The following RORA variants were observed in gnomAD, a reference collection of about 807,000 sequenced individuals.
RORA encodes RAR related orphan receptor A, also known as nuclear receptor ROR-alpha.
A neutral mutation model predicts 69.5 loss-of-function variants in RORA; 7 were observed. That is an observed-to-expected ratio of 0.10 (90% CI 0.06 to 0.19). RORA has a LOEUF of 0.19. Among genes scored for constraint, RORA ranks in the 10% least tolerant of loss-of-function variants. The pLI is 1.00. For missense variants in RORA, 457 were observed against 663.0 expected (o/e 0.69, Z 3.41); for synonymous variants, 261 against 240.8 (o/e 1.08, Z -0.78).
intron 1 of RORA, among the ~76,000 whole-genome samples, chr15:61,075,621 A>G (rs753147369): frequency 6.6e-6 from 1 of 152,210 alleles, no homozygotes; most frequent in Non-Finnish European, 1.5e-5. Flanking sequence ...CAGGGCAGGT[A>G]TAATTATCTC....
At chr15:60,618,024 C>G (rs3784611) in intron 2 of RORA, among the ~76,000 whole-genome samples, 20,932 of 152,164 alleles carry the variant, frequency 0.14, 2,378 homozygotes, top group African/African-American at 0.3. Context: ...GGGCTTGTAA[C>G]CGAGGGCAAT....
At chr15:61,199,567 GT>G (rs1162304107) in intron 1 of RORA, among the ~76,000 whole-genome samples, 1 of 152,180 alleles carries the variant, frequency 6.6e-6, no homozygotes, top group Non-Finnish European at 1.5e-5. Context: ...TGGGTGATTT[GT>G]TTCCGAAACT....
chr15:61,030,846 A>G (rs770386473), intron 1 of RORA, among the ~76,000 whole-genome samples: 12 of 152,346 alleles, frequency 7.9e-5, no homozygotes, highest in Middle Eastern at 3.4e-3. Flanking sequence ...AATTTTGAGA[A>G]AAACGCAAAT....
intron 1 of RORA, among the ~76,000 whole-genome samples, chr15:60,947,181 G>A (rs1327053968): frequency 1.1e-4 from 17 of 149,938 alleles, no homozygotes; most frequent in African/African-American, 3.7e-4. Flanking sequence ...CCGCCACCCC[G>A]TCTGGGAGGT....
intron 1 of RORA, among the ~76,000 whole-genome samples, chr15:61,041,704 G>A (rs760845762): frequency 2.0e-5 from 3 of 152,142 alleles, no homozygotes; most frequent in African/African-American, 7.2e-5. Flanking sequence ...AATTACAGGC[G>A]CGAGCCACCA....
chr15:60,980,146 T>A (rs1290027444), intron 1 of RORA, among the ~76,000 whole-genome samples: 1 of 152,198 alleles, frequency 6.6e-6, no homozygotes, highest in African/African-American at 2.4e-5. Flanking sequence ...CACATGGGTT[T>A]TCCCCTCTTC....
rs144729305 is a variant in RORA, at chr15:61,079,758, G to A, written c.166+149295C>T. 2.4e-3 allele frequency among the ~76,000 whole-genome samples: 369 copies of A among 152,314 alleles called. 1 individual carries two copies. Among genetic ancestry groups the A allele is most frequent in the Non-Finnish European group, 4.0e-3 (270 of 68,028 alleles). On this transcript the variant is annotated intron_variant, in intron 1 of 10. Coordinates refer to ENST00000335670, the MANE Select transcript of RORA (RefSeq NM_134261.3). ...AATAACCCTTGCCCTTATCCACAAT[G>A]AGCTGGCTAGGGAGTTTTACACGAG...
At chr15:61,059,218 A>G (rs1418263646) in intron 1 of RORA, among the ~76,000 whole-genome samples, 2 of 152,206 alleles carry the variant, frequency 1.3e-5, no homozygotes, top group African/African-American at 4.8e-5. Context: ...GCCTCAGGGG[A>G]TGCCCCTATG....
chr15:60,792,681 T>A (rs1417386384), intron 1 of RORA, among the ~76,000 whole-genome samples: 1 of 152,178 alleles, frequency 6.6e-6, no homozygotes, highest in Non-Finnish European at 1.5e-5. Context: ...CAACCCAGAA[T>A]TGTATCTTCA....
intron 2 of RORA, among the ~76,000 whole-genome samples, chr15:60,596,259 C>G (rs1026341073): frequency 6.6e-6 from 1 of 152,078 alleles, no homozygotes; most frequent in Non-Finnish European, 1.5e-5. Context: ...TTTGCTGATG[C>G]ATGTGAGGCA....
intron 1 of RORA, among the ~76,000 whole-genome samples, chr15:60,835,653 C>G (rs2073105637): frequency 6.6e-6 from 1 of 152,230 alleles, no homozygotes. Context: ...GGTGAAGAGT[C>G]TGAGGATGGG....
intron 1 of RORA, among the ~76,000 whole-genome samples, chr15:61,141,643 C>G (rs2079299711): frequency 6.6e-6 from 1 of 152,148 alleles, no homozygotes; most frequent in African/African-American, 2.4e-5. Context: ...AGTACTACGG[C>G]TTGATTTCAT....
intron 1 of RORA, among the ~76,000 whole-genome samples, chr15:60,884,124 C>T (rs1338723943): frequency 6.6e-6 from 1 of 151,744 alleles, no homozygotes; most frequent in Non-Finnish European, 1.5e-5. Flanking sequence ...GGATTGCGTC[C>T]GTGGCTGACA....
intron 1 of RORA, among the ~76,000 whole-genome samples, chr15:61,187,767 G>A (rs1385438408): frequency 3.3e-5 from 5 of 152,170 alleles, no homozygotes; most frequent in African/African-American, 1.2e-4. Flanking sequence ...CGCACTGTTG[G>A]CAAGAGCTGC....
intron 1 of RORA, among the ~76,000 whole-genome samples, chr15:61,206,109 C>T (rs939615825): frequency 5.3e-5 from 8 of 152,102 alleles, no homozygotes; most frequent in African/African-American, 1.9e-4. Flanking sequence ...TATTGTGAAC[C>T]ACTATCACAT....
chr15:61,082,995 C>G (rs2140667226), intron 1 of RORA, among the ~76,000 whole-genome samples: 1 of 152,304 alleles, frequency 6.6e-6, no homozygotes, highest in Non-Finnish European at 1.5e-5. Flanking sequence ...CTCCTGACTC[C>G]TCCTTCAGTG....
chr15:60,879,290 GTTT>G (rs371394934), intron 1 of RORA, among the ~76,000 whole-genome samples: 1 of 149,816 alleles, frequency 6.7e-6, no homozygotes, highest in African/African-American at 2.4e-5. Context: ...CCTTGGAGAA[GTTT>G]TTTTTTTCTT....
intron 1 of RORA, among the ~76,000 whole-genome samples, chr15:61,108,242 A>C (rs987189195): frequency 6.6e-6 from 1 of 152,210 alleles, no homozygotes; most frequent in Admixed American, 6.5e-5. Flanking sequence ...CAAAATAGTA[A>C]ACTTAAACCA....
chr15:61,173,539 G>C (rs1237115971), intron 1 of RORA, among the ~76,000 whole-genome samples: 1 of 152,186 alleles, frequency 6.6e-6, no homozygotes, highest in Admixed American at 6.5e-5. Context: ...AGACCCACCT[G>C]AACATCATTT....
Sources: allele counts gnomAD v4.1 joint callset (sites outside exome capture counted in the v4.1 genomes callset), GRCh38; gene constraint gnomAD v4.1.1; transcripts MANE v1.5; gene names NCBI Gene and HGNC (gene_info 2026-07-23, HGNC 2026-07-21).